The following ZBTB7C variants were observed in gnomAD, a reference collection of about 807,000 sequenced individuals.
ZBTB7C encodes zinc finger and BTB domain-containing protein 7C.
ZBTB7C carries 8 observed loss-of-function variants against 25.7 expected under a neutral mutation model. That is an observed-to-expected ratio of 0.31 (90% confidence interval 0.18 to 0.56). ZBTB7C has a LOEUF of 0.56. Among genes scored for constraint, ZBTB7C ranks in the 20% least tolerant of loss-of-function variants. ZBTB7C has a pLI of 0.91. For synonymous variants in ZBTB7C, 394 were observed against 369.0 expected (o/e 1.07, Z -0.78); for missense variants, 824 against 855.2 (o/e 0.96, Z 0.46).
At chr18:48,115,249 C>A (rs574316005) in intron 3 of ZBTB7C, among the ~76,000 whole-genome samples, 9 of 151,524 alleles carry the variant, frequency 5.9e-5, no homozygotes, top group Admixed American at 3.9e-4. Context: ...TGTATCAGAA[C>A]TTTTCTTTTT....
At chr18:48,244,716 T>C (rs1158452552) in intron 2 of ZBTB7C, among the ~76,000 whole-genome samples, 1 of 151,920 alleles carries the variant, frequency 6.6e-6, no homozygotes, top group Non-Finnish European at 1.5e-5. Flanking sequence ...TATAGGGAAA[T>C]GCAAATCAAA....
intron 1 of ZBTB7C, among the ~76,000 whole-genome samples, chr18:48,376,893 A>C (rs1238124099): frequency 6.6e-6 from 1 of 152,200 alleles, no homozygotes; most frequent in Non-Finnish European, 1.5e-5. Flanking sequence ...CCTCTGGTGC[A>C]CAGAAACGCA....
chr18:48,204,532 C>T (rs2042534283), intron 2 of ZBTB7C, among the ~76,000 whole-genome samples: 1 of 152,156 alleles, frequency 6.6e-6, no homozygotes, highest in South Asian at 2.1e-4. Flanking sequence ...GCTGATAGAG[C>T]CGGAACTTAA....
At chr18:48,251,347 G>A (rs932922373) in intron 2 of ZBTB7C, among the ~76,000 whole-genome samples, 21 of 152,182 alleles carry the variant, frequency 1.4e-4, no homozygotes, top group Non-Finnish European at 8.8e-5. Context: ...ATTCATACTA[G>A]GGGAGGGACC....
chr18:48,252,487 A>T (rs2043891991), intron 2 of ZBTB7C: 2 of 152,234 alleles, frequency 1.3e-5, no homozygotes, highest in Non-Finnish European at 2.9e-5. Context: ...CTTAAATAAT[A>T]AAAAAATCCC....
intron 3 of ZBTB7C, among the ~76,000 whole-genome samples, chr18:48,111,443 G>C (rs2039236174): frequency 6.6e-6 from 1 of 152,216 alleles, no homozygotes; most frequent in Non-Finnish European, 1.5e-5. Context: ...GAAACTTTAA[G>C]AGACTCCTTC....
At chr18:48,225,867 C>T (rs915696516) in intron 2 of ZBTB7C, among the ~76,000 whole-genome samples, 5 of 152,114 alleles carry the variant, frequency 3.3e-5, no homozygotes, top group Non-Finnish European at 2.9e-5. Context: ...CTCAGCCTCC[C>T]GAGTAGCTGG....
At chr18:48,144,259 A>G (rs1405443382) in intron 3 of ZBTB7C, among the ~76,000 whole-genome samples, 1 of 151,488 alleles carries the variant, frequency 6.6e-6, no homozygotes, top group Non-Finnish European at 1.5e-5. Context: ...AGCCTGGGCG[A>G]CAGAGCAAGA....
intron 3 of ZBTB7C, among the ~76,000 whole-genome samples, chr18:48,059,037 T>A (rs2037027337): frequency 6.6e-6 from 1 of 152,214 alleles, no homozygotes; most frequent in African/African-American, 2.4e-5. Context: ...TGCTCCTGGA[T>A]TCCTGAGTAT....
chr18:48,381,235 T>A (rs1346587186), intron 1 of ZBTB7C, among the ~76,000 whole-genome samples: 3 of 152,040 alleles, frequency 2.0e-5, no homozygotes, highest in African/African-American at 7.2e-5. Context: ...AAACAGAAGA[T>A]CCAACACAGG....
chr18:48,338,917 G>GC (rs1052134290), intron 1 of ZBTB7C, among the ~76,000 whole-genome samples: 12 of 151,156 alleles, frequency 7.9e-5, no homozygotes, highest in East Asian at 5.8e-4. Context: ...TTGTTGGGGG[G>GC]GGGGGGTCCA....
chr18:48,282,214 A>G (rs1169599588), intron 2 of ZBTB7C, among the ~76,000 whole-genome samples: 1 of 149,666 alleles, frequency 6.7e-6, no homozygotes, highest in Non-Finnish European at 1.5e-5. Context: ...CGCAAGAACA[A>G]AAAACCAAAC....
At chr18:48,035,172 C>T (rs2035918656) in intron 4 of ZBTB7C, among the ~76,000 whole-genome samples, 1 of 152,232 alleles carries the variant, frequency 6.6e-6, no homozygotes, top group South Asian at 2.1e-4. Flanking sequence ...ATTCGGCTGG[C>T]ACTGGAGGAG....
At chr18:48,041,201 C>T in intron 3 of ZBTB7C, 78 bp from the exon 4 acceptor site, 3 of 1,481,286 alleles carry the variant, frequency 2.0e-6, no homozygotes, top group Non-Finnish European at 2.7e-6. Context: ...GACTCTGAGC[C>T]ACCTCCTTGG....
At chr18:48,085,469 C>G (rs1285134645) in intron 3 of ZBTB7C, among the ~76,000 whole-genome samples, 1 of 152,136 alleles carries the variant, frequency 6.6e-6, no homozygotes, top group Non-Finnish European at 1.5e-5. Context: ...GAAAAGGCAG[C>G]CCTAGACCAG....
intron 3 of ZBTB7C, among the ~76,000 whole-genome samples, chr18:48,161,706 G>GCCCGGGCGCCCCGC (rs1340940924): frequency 4.0e-5 from 6 of 151,210 alleles, no homozygotes; most frequent in Non-Finnish European, 7.4e-5. Flanking sequence ...GCCCGGCCCG[G>GCCCGGGCGCCCCGC]CCCGGGCGCC....
intron 2 of ZBTB7C, among the ~76,000 whole-genome samples, chr18:48,320,506 G>C (rs2144850208): frequency 6.6e-6 from 1 of 152,334 alleles, no homozygotes; most frequent in Middle Eastern, 3.4e-3. Context: ...GCTAATCCAG[G>C]TGAGAGGTGA....
intron 2 of ZBTB7C, among the ~76,000 whole-genome samples, chr18:48,287,388 AAG>A (rs1182024298): frequency 2.0e-5 from 3 of 152,230 alleles, no homozygotes; most frequent in African/African-American, 7.2e-5. Flanking sequence ...AGAAAATCTG[AAG>A]AGTCTTCCAA....
chr18:48,407,789 C>T (rs1370635730), intron 1 of ZBTB7C, among the ~76,000 whole-genome samples: 1 of 152,132 alleles, frequency 6.6e-6, no homozygotes, highest in Non-Finnish European at 1.5e-5. Context: ...AGCCACCGGA[C>T]CAAGGAGAAT....
Sources: allele counts gnomAD v4.1 joint callset (sites outside exome capture counted in the v4.1 genomes callset), GRCh38; gene constraint gnomAD v4.1.1; transcripts MANE v1.5; gene names NCBI Gene and HGNC (gene_info 2026-07-23, HGNC 2026-07-21).